ADORA2B: variants seen among roughly 807,000 people sequenced by gnomAD.
ADORA2B encodes adenosine A2b receptor.
ADORA2B carries 18 observed loss-of-function variants against 20.8 expected under a neutral mutation model. That is an observed-to-expected ratio of 0.87 (90% CI 0.60 to 1.29). The LOEUF is 1.29. Among genes scored for constraint, ADORA2B ranks in the 50% most tolerant of loss-of-function variants. The probability of loss-of-function intolerance (pLI) is 0.00; values close to 1 mark genes in which losing one functional copy is unlikely to be tolerated. For missense variants in ADORA2B, 441 were observed against 422.7 expected (o/e 1.04, Z -0.38); for synonymous variants, 179 against 178.3 (o/e 1.00, Z -0.03).
the ADORA2B span, among the ~76,000 whole-genome samples, chr17:15,870,861 G>T: frequency 6.6e-6 from 1 of 152,158 alleles, no homozygotes; most frequent in Non-Finnish European, 1.5e-5. Context: ...CCCTGACTTC[G>T]TTGTGAAGAT....
chr17:15,874,038 ATGTGTATATATATATATATATGTGTG>A, the ADORA2B span, among the ~76,000 whole-genome samples: 2 of 131,410 alleles, frequency 1.5e-5, no homozygotes, highest in Admixed American at 8.2e-5. Context: ...CTGTATATAT[ATGTGTATATATATATATATATGTGTG>A]TGTGTATATA....
At chr17:15,934,493 G>T in the ADORA2B span, among the ~76,000 whole-genome samples, 1 of 151,936 alleles carries the variant, frequency 6.6e-6, no homozygotes, top group African/African-American at 2.4e-5. Flanking sequence ...CAAACTGTTG[G>T]GATTACAGGC....
chr17:15,866,062 T>C, the ADORA2B span, among the ~76,000 whole-genome samples: 3 of 151,966 alleles, frequency 2.0e-5, no homozygotes, highest in Non-Finnish European at 4.4e-5. Context: ...CCCATTCTAT[T>C]ATTGATAGAT....
At chr17:15,884,688 G>A in the ADORA2B span, among the ~76,000 whole-genome samples, 1 of 152,132 alleles carries the variant, frequency 6.6e-6, no homozygotes, top group East Asian at 1.9e-4. Flanking sequence ...TTCTCTTCCT[G>A]TATTAGTTTG....
chr17:15,885,483 G>A, the ADORA2B span, among the ~76,000 whole-genome samples: 1 of 152,162 alleles, frequency 6.6e-6, no homozygotes. Flanking sequence ...GGAGGCCGAA[G>A]TGGGCAGATC....
At chr17:15,850,548 G>A in the ADORA2B span, 1 of 158,094 alleles carries the variant, frequency 6.3e-6, no homozygotes, top group Non-Finnish European at 1.5e-5. Context: ...ACATGTAAAT[G>A]TTCCCATCTC....
chr17:15,966,512 G>C (rs938206537), intron 1 of ADORA2B, among the ~76,000 whole-genome samples: 1 of 152,236 alleles, frequency 6.6e-6, no homozygotes, highest in Non-Finnish European at 1.5e-5. Flanking sequence ...TGCAGGAGGA[G>C]ACCCTGCCCC....
chr17:15,860,583 A>G, the ADORA2B span, among the ~76,000 whole-genome samples: 1 of 152,118 alleles, frequency 6.6e-6, no homozygotes, highest in African/African-American at 2.4e-5. Context: ...TGCTCTGATG[A>G]CATCGTCTTG....
chr17:15,950,349 C>A (rs1419323820), intron 1 of ADORA2B, among the ~76,000 whole-genome samples: 1 of 152,142 alleles, frequency 6.6e-6, no homozygotes. Flanking sequence ...TTTTAAGCCA[C>A]TAGGTTTGTG....
chr17:15,868,245 A>G, the ADORA2B span, among the ~76,000 whole-genome samples: 1 of 136,476 alleles, frequency 7.3e-6, no homozygotes, highest in Admixed American at 7.4e-5. Context: ...GGAAGGCTGC[A>G]GGGTCCTCTG....
chr17:15,964,076 C>CT (rs1447629613), intron 1 of ADORA2B, among the ~76,000 whole-genome samples: 1 of 152,230 alleles, frequency 6.6e-6, no homozygotes, highest in Non-Finnish European at 1.5e-5. Context: ...AGATGCTGTC[C>CT]TTTCCTCAGA....
chr17:15,959,636 G>T (rs1970011480), intron 1 of ADORA2B, among the ~76,000 whole-genome samples: 2 of 151,944 alleles, frequency 1.3e-5, no homozygotes, highest in African/African-American at 4.8e-5. Flanking sequence ...GAGTAGTTGG[G>T]ATTATAGGCG....
the ADORA2B span, among the ~76,000 whole-genome samples, chr17:15,869,890 G>T: frequency 2.0e-4 from 30 of 152,244 alleles, no homozygotes; most frequent in South Asian, 1.9e-3. Context: ...TTCTCATTTT[G>T]ACATGGTCCC....
chr17:15,864,674 G>A, the ADORA2B span, among the ~76,000 whole-genome samples: 1 of 152,180 alleles, frequency 6.6e-6, no homozygotes, highest in African/African-American at 2.4e-5. Flanking sequence ...GGCAATGGTT[G>A]TCTTGAGTAA....
At chr17:15,939,771 G>T in the ADORA2B span, among the ~76,000 whole-genome samples, 3 of 147,034 alleles carry the variant, frequency 2.0e-5, no homozygotes, top group Non-Finnish European at 4.4e-5. Context: ...TGAGGCAGGA[G>T]AATGGCATGA....
At chr17:15,960,093 C>A (rs1440424071) in intron 1 of ADORA2B, among the ~76,000 whole-genome samples, 1 of 152,070 alleles carries the variant, frequency 6.6e-6, no homozygotes, top group African/African-American at 2.4e-5. Context: ...CACAGCGAGG[C>A]CCCATCTCTA....
the ADORA2B span, among the ~76,000 whole-genome samples, chr17:15,937,487 T>G: frequency 6.6e-6 from 1 of 152,198 alleles, no homozygotes; most frequent in Non-Finnish European, 1.5e-5. Flanking sequence ...GGTGACAGAT[T>G]ATGGCATTTT....
intron 1 of ADORA2B, among the ~76,000 whole-genome samples, chr17:15,946,669 A>G (rs1490403035): frequency 6.6e-6 from 1 of 152,172 alleles, no homozygotes; most frequent in Non-Finnish European, 1.5e-5. Flanking sequence ...GTACCAGAGG[A>G]CGGGTGCTGT....
chr17:15,867,929 A>AG, the ADORA2B span, among the ~76,000 whole-genome samples: 2 of 151,844 alleles, frequency 1.3e-5, no homozygotes, highest in Non-Finnish European at 2.9e-5. Flanking sequence ...TGGAATAGAA[A>AG]GGGGGGAAAG....
Sources: allele counts gnomAD v4.1 joint callset (sites outside exome capture counted in the v4.1 genomes callset), GRCh38; gene constraint gnomAD v4.1.1; transcripts MANE v1.5; gene names NCBI Gene and HGNC (gene_info 2026-07-23, HGNC 2026-07-21).